HP1BP3: variants seen among roughly 807,000 people sequenced by gnomAD.
HP1BP3 encodes the protein heterochromatin protein 1-binding protein 3.
Under a neutral mutation model 62.5 loss-of-function variants are expected in HP1BP3, and 12 were observed. The observed-to-expected ratio is 0.19, with a 90% CI of 0.12 to 0.31. HP1BP3 has a LOEUF of 0.31. HP1BP3 is among the 10% of genes least tolerant of loss of function. HP1BP3 has a pLI of 1.00. For missense variants in HP1BP3, 502 were observed against 651.8 expected (o/e 0.77, Z 2.50); for synonymous variants, 260 against 237.8 (o/e 1.09, Z -0.86).
intron 4 of HP1BP3, chr1:20,774,806 A>C (rs1191754597): frequency 6.6e-6 from 1 of 152,118 alleles, no homozygotes; most frequent in Non-Finnish European, 1.5e-5. Context: ...AACATGGTGA[A>C]ACCCCCGTCT....
chr1:20,781,626 AT>A (rs921730801), intron 1 of HP1BP3, among the ~76,000 whole-genome samples: 35 of 150,990 alleles, frequency 2.3e-4, no homozygotes, highest in East Asian at 9.7e-4. Flanking sequence ...TTAATATTAA[AT>A]TTTTTTTTTC....
chr1:20,746,881 T>C (rs1297219053), intron 11 of HP1BP3, among the ~76,000 whole-genome samples: 3 of 152,298 alleles, frequency 2.0e-5, no homozygotes, highest in African/African-American at 7.2e-5. Context: ...CTGGGTGTGG[T>C]GGCGCGCACC....
intron 5 of HP1BP3, among the ~76,000 whole-genome samples, chr1:20,772,184 T>G (rs1404528646): frequency 1.3e-5 from 2 of 152,220 alleles, no homozygotes; most frequent in Non-Finnish European, 2.9e-5. Context: ...ACATCATGAT[T>G]CCTGTTCAAT....
At chr1:20,786,291 G>A (rs1570702484) in intron 1 of HP1BP3, 1 of 152,372 alleles carries the variant, frequency 6.6e-6, no homozygotes, top group Admixed American at 6.5e-5. Flanking sequence ...CGCCTAAGGT[G>A]GCGAGTAACC....
At chr1:20,750,034 AT>A in intron 9 of HP1BP3, 152 bp from the exon 10 acceptor site, 1 of 1,401,710 alleles carries the variant, frequency 7.1e-7, no homozygotes, top group Non-Finnish European at 9.3e-7. Flanking sequence ...TTCTCTTCCC[AT>A]TCAACAGGTA....
chr1:20,768,025 A>G (rs1356491135), intron 6 of HP1BP3, among the ~76,000 whole-genome samples: 1 of 119,704 alleles, frequency 8.4e-6, no homozygotes. Context: ...ACAATCTCTT[A>G]GGGAAATAAG....
At chr1:20,781,421 TACA>T (rs1191437322) in intron 1 of HP1BP3, among the ~76,000 whole-genome samples, 1 of 152,198 alleles carries the variant, frequency 6.6e-6, no homozygotes, top group Admixed American at 6.5e-5. Context: ...AGTCCCAACC[TACA>T]ACAACTAGGA....
At position 20,744,517 on chromosome 1, in the gene HP1BP3, G is replaced by C; in HGVS notation, c.*280C>G. ...AAAGCTGACCATAAAAACAACAGGG[G>C]GTTGGGGGAGGCAGAGAAAAAGGAC... On this transcript the variant is annotated 3_prime_UTR_variant, in exon 13 of 13. Transcript: ENST00000438032. The C allele has an allele frequency of 3.6e-6, 1 of 276,922 alleles. No individual in the cohort carries two copies. The allele number at this position is 276,922 out of a possible 1,614,324, so 17.2% of individuals were successfully genotyped here.
At chr1:20,751,162 T>C (rs1202158316) in intron 9 of HP1BP3, among the ~76,000 whole-genome samples, 2 of 152,142 alleles carry the variant, frequency 1.3e-5, no homozygotes, top group Non-Finnish European at 2.9e-5. Flanking sequence ...TTTTCTTTTC[T>C]CTAGCTTGCT....
chr1:20,772,200 A>C (rs2057092111), intron 5 of HP1BP3, among the ~76,000 whole-genome samples: 2 of 152,214 alleles, frequency 1.3e-5, no homozygotes, highest in Admixed American at 6.5e-5. Flanking sequence ...TCAATACAGA[A>C]AATGGTATCC....
intron 1 of HP1BP3, among the ~76,000 whole-genome samples, chr1:20,782,438 C>G (rs1231071060): frequency 6.6e-6 from 1 of 151,658 alleles, no homozygotes. Flanking sequence ...TAAAAATCAG[C>G]TGGGAATGGT....
At chr1:20,771,792 T>C (rs2057072978) in intron 5 of HP1BP3, among the ~76,000 whole-genome samples, 1 of 152,210 alleles carries the variant, frequency 6.6e-6, no homozygotes, top group South Asian at 2.1e-4. Context: ...ACTTTAAATT[T>C]TGAAACACAC....
chr1:20,767,757 AGTG>A, intron 6 of HP1BP3, 93 bp from the exon 7 acceptor site: 1 of 747,832 alleles, frequency 1.3e-6, no homozygotes, highest in Non-Finnish European at 2.2e-6. Context: ...GCTAATGTAA[AGTG>A]GTGTTTACTT....
At position 20,780,393 on chromosome 1, in the gene HP1BP3, G is replaced by C. The variant is rs769652239; in HGVS notation, c.48C>G (p.Leu16=). Residue 16 remains leucine (L), a synonymous_variant, in exon 2 of 13, where the codon CTC becomes CTG. Transcript: ENST00000438032. ...TCAGCTGAGCTCCTACTATAAGTGG[G>C]AGTGCCTTAGGATGGACGAGTTCAC... ...SQGELVHPKA[L]PLIVGAQLIH... 1 of 1,614,022 alleles carries C rather than the reference G, an allele frequency of 6.2e-7. No homozygotes were observed. Among genetic ancestry groups the C allele is most frequent in the Non-Finnish European group, 8.5e-7 (1 of 1,179,932 alleles).
intron 9 of HP1BP3, among the ~76,000 whole-genome samples, chr1:20,752,610 G>A (rs576782965): frequency 6.6e-6 from 1 of 152,156 alleles, no homozygotes; most frequent in South Asian, 2.1e-4. Context: ...TTTGACATTT[G>A]CACTGATGGT....
intron 9 of HP1BP3, chr1:20,755,322 C>T (rs940543151): frequency 1.3e-5 from 6 of 448,480 alleles, no homozygotes; most frequent in Non-Finnish European, 2.7e-5. Context: ...AATTCCAACA[C>T]TTTGGGAAGC....
chr1:20,747,809 A>C (rs1453608490), intron 10 of HP1BP3, among the ~76,000 whole-genome samples, 154 bp from the exon 11 acceptor site: 1 of 152,254 alleles, frequency 6.6e-6, no homozygotes, highest in Non-Finnish European at 1.5e-5. Context: ...TATTTAATTA[A>C]ACATTTACTT....
intron 8 of HP1BP3, among the ~76,000 whole-genome samples, chr1:20,761,832 AG>A (rs1475555576): frequency 6.6e-6 from 1 of 152,218 alleles, no homozygotes; most frequent in African/African-American, 2.4e-5. Context: ...CAGAAAAATC[AG>A]GAAAGTGTGG....
intron 5 of HP1BP3, among the ~76,000 whole-genome samples, chr1:20,772,811 A>G (rs1200653136): frequency 6.6e-6 from 1 of 152,242 alleles, no homozygotes; most frequent in African/African-American, 2.4e-5. Context: ...GGCAATGTCA[A>G]ATTAGAAGAT....
Sources: allele counts gnomAD v4.1 joint callset (sites outside exome capture counted in the v4.1 genomes callset), GRCh38; gene constraint gnomAD v4.1.1; transcripts MANE v1.5; gene names NCBI Gene and HGNC (gene_info 2026-07-23, HGNC 2026-07-21).